Variants in AKAP12 observed in about 807,000 individuals in gnomAD.
AKAP12 encodes the protein A-kinase anchor protein 12.
A neutral mutation model predicts 79.9 loss-of-function variants in AKAP12; 32 were observed. That is an observed-to-expected ratio of 0.40 (90% CI 0.30 to 0.54). The LOEUF is 0.54. Ranked by LOEUF, AKAP12 falls within the 20% of genes least tolerant of loss-of-function variation. The probability of loss-of-function intolerance (pLI) is 0.48; values close to 1 mark genes in which losing one functional copy is unlikely to be tolerated. For missense variants in AKAP12, 2,074 were observed against 2,177.0 expected (o/e 0.95, Z 0.94); for synonymous variants, 808 against 857.0 (o/e 0.94, Z 1.00).
In AKAP12 at chr6:151,295,441, G is replaced by A. The variant is rs530628058; in HGVS notation, c.163-10306G>A. On this transcript the variant is annotated intron_variant, in intron 2 of 4. Transcript: ENST00000402676. Reference sequence around the variant, plus strand: ...AATGATGAGAAACAGAAAAATCTGGGATTTGTAGACAGTGGCGAGAAACTC... The same window carrying A: ...AATGATGAGAAACAGAAAAATCTGGAATTTGTAGACAGTGGCGAGAAACTC... 1.6e-4 allele frequency among the ~76,000 whole-genome samples: 25 copies of A among 152,204 alleles called. No homozygotes were observed. The South Asian group carries it at 5.0e-3, about 30-fold the overall frequency.
chr6:151,259,842 G>A (rs1039732313), intron 2 of AKAP12, among the ~76,000 whole-genome samples: 8 of 151,390 alleles, frequency 5.3e-5, no homozygotes, highest in South Asian at 2.1e-4. Context: ...CTCCCAAAGC[G>A]CCGGGATTAC....
chr6:151,311,751 T>C (rs117190833), intron 3 of AKAP12, among the ~76,000 whole-genome samples: 170 of 152,328 alleles, frequency 1.1e-3, no homozygotes, highest in Non-Finnish European at 1.5e-3. Flanking sequence ...CAGCTCCTGG[T>C]GTACAGTTCC....
chr6:151,297,661 A>C (rs1446626368), intron 2 of AKAP12, among the ~76,000 whole-genome samples: 2 of 151,604 alleles, frequency 1.3e-5, no homozygotes, highest in African/African-American at 4.9e-5. Flanking sequence ...TGTTACGTGT[A>C]GCCGTACCCA....
chr6:151,312,718 G>C (rs1017743329), intron 3 of AKAP12, among the ~76,000 whole-genome samples: 1 of 150,476 alleles, frequency 6.6e-6, no homozygotes, highest in Admixed American at 6.7e-5. Context: ...CTTGAATCCG[G>C]GAGCTGGAGG....
At chr6:151,255,119 C>A (rs1335625616) in intron 2 of AKAP12, among the ~76,000 whole-genome samples, 1 of 151,912 alleles carries the variant, frequency 6.6e-6, no homozygotes, top group African/African-American at 2.4e-5. Context: ...AATGAAGTTA[C>A]AGTTATAGGC....
Position 151,285,384 on chromosome 6 carries a change from C to CTGTGTGTGTGTGTGTGTG in AKAP12, c.163-20345_163-20328dup, listed in dbSNP as rs10680283. Among the ~76,000 whole-genome samples the CTGTGTGTGTGTGTGTGTG allele has an allele frequency of 2.2e-3, 294 of 136,540 alleles. 2 individuals are homozygous for CTGTGTGTGTGTGTGTGTG. Among genetic ancestry groups the CTGTGTGTGTGTGTGTGTG allele is most frequent in the South Asian group, 3.8e-3 (14 of 3,696 alleles). 89.6% of individuals were successfully genotyped at this position (136,540 alleles called of 152,430 possible). A position where few individuals can be genotyped will look rare whatever the true frequency, so the allele number is the denominator to read the frequency against. ...GTACACATCAGAGAGCTGCATTTCA[C>CTGTGTGTGTGTGTGTGTG]TGTGTGTGTGTGTGTGTGTGTGTGT... On this transcript the variant is annotated intron_variant, in intron 2 of 4. Transcript: ENST00000402676.
chr6:151,259,637 G>A lies in AKAP12; in HGVS notation c.162+18913G>A, dbSNP rs117592456. 2.8e-3 allele frequency among the ~76,000 whole-genome samples: 400 copies of A among 144,628 alleles called. 2 individuals are homozygous for A. The highest frequency in any genetic ancestry group is 4.7e-3 in the Non-Finnish European group (316 of 66,850). The allele number at this position is 144,628 out of a possible 152,430, so 94.9% of individuals were successfully genotyped here. On this transcript the variant is annotated intron_variant, in intron 2 of 4. Transcript: ENST00000402676. ...TCTGTTGCCCAGGCTGGAGTGCAGT[G>A]GCACTGTCAAGACTCATTGCAACCT...
At position 151,349,463 on chromosome 6, in the gene AKAP12, C is replaced by T. The variant is rs376048143; in HGVS notation, c.1072C>T (p.Pro358Ser). The change falls in exon 4 of 5, where the codon CCA becomes TCA. Residue 358 changes from proline to serine, a missense_variant. By Grantham distance (74) the Pro-to-Ser change is moderately conservative. Transcript: ENST00000402676. Reference sequence around the variant, plus strand: ...ACTGACCGCCTCCGAGCAAGCCCACCCACAGGAGCCGGCAGAAAGTGCCCA... The same window carrying T: ...ACTGACCGCCTCCGAGCAAGCCCACTCACAGGAGCCGGCAGAAAGTGCCCA... ...EKLTASEQAH[P>S]QEPAESAHEP... 13 of 1,606,488 alleles carry T rather than the reference C, an allele frequency of 8.1e-6. No individual in the cohort carries two copies. Among genetic ancestry groups the T allele is most frequent in the African/African-American group, 1.4e-5 (1 of 73,914 alleles).
At chr6:151,337,562 G>A (rs1369259723) in intron 3 of AKAP12, among the ~76,000 whole-genome samples, 1 of 148,004 alleles carries the variant, frequency 6.8e-6, no homozygotes, top group East Asian at 2.0e-4. Context: ...CATACAGAAA[G>A]TTGGAAAACT....
At chr6:151,270,680 TG>T (rs1185061617) in intron 2 of AKAP12, among the ~76,000 whole-genome samples, 1 of 152,196 alleles carries the variant, frequency 6.6e-6, no homozygotes, top group Admixed American at 6.5e-5. Context: ...TCTATATCCT[TG>T]GTAACACTTG....
rs919073303 is a variant in AKAP12, at chr6:151,355,721, C to T, written c.*13-6C>T. On this transcript the variant is annotated splice_polypyrimidine_tract_variant and splice_region_variant and intron_variant, in intron 4 of 4. Transcript: ENST00000402676. Reference sequence around the variant, plus strand: ...TTATTTACGCTGATTCTTCCTCCTCCTACAGTTAAACTCATTGTCTGTTTG... The same window carrying T: ...TTATTTACGCTGATTCTTCCTCCTCTTACAGTTAAACTCATTGTCTGTTTG... 3.3e-5 allele frequency: 5 copies of T among 152,544 alleles called. No homozygotes were observed. Among genetic ancestry groups the T allele is most frequent in the African/African-American group, 1.2e-4 (5 of 41,414 alleles). 9.4% of individuals were successfully genotyped at this position (152,544 alleles called of 1,614,324 possible).
At position 151,351,363 on chromosome 6, in the gene AKAP12, C is replaced by T. The variant is rs1457840030; in HGVS notation, c.2972C>T (p.Thr991Ile). The T allele has an allele frequency of 1.2e-6, 2 of 1,614,202 alleles. No individual in the cohort carries two copies. The highest frequency in any genetic ancestry group is 1.7e-6 in the Non-Finnish European group (2 of 1,180,036). ...TAGPLGAEEGTEASAAEETTE... is the reference protein window; with the variant it reads ...TAGPLGAEEGIEASAAEETTE... ...GGGCCATTGGGTGCCGAAGAAGGAA[C>T]CGAAGCATCTGCTGCTGAAGAGACC... Residue 991 changes from threonine (T) to isoleucine (I), a missense_variant, in exon 4 of 5, where the codon ACC (threonine) becomes ATC (isoleucine). Physicochemically the swap from Thr to Ile is moderately conservative, Grantham distance 89. Transcript: ENST00000402676. This position sits in a 1 kb window ranked among gnomAD's most constrained non-coding sequence, Gnocchi z 4.4.
At chr6:151,277,351 G>A (rs760774687) in intron 2 of AKAP12, among the ~76,000 whole-genome samples, 48 of 152,246 alleles carry the variant, frequency 3.2e-4, no homozygotes, top group Non-Finnish European at 6.0e-4. Flanking sequence ...AGGAGTACTC[G>A]TATGATAACC....
intron 2 of AKAP12, among the ~76,000 whole-genome samples, chr6:151,241,826 C>CAAAAAAAAAA (rs59482970): frequency 8.1e-6 from 1 of 123,896 alleles, no homozygotes. Flanking sequence ...TTACAATATG[C>CAAAAAAAAAA]AAAAAAAAAA....
intron 3 of AKAP12, among the ~76,000 whole-genome samples, chr6:151,315,822 C>CG (rs2114770968): frequency 6.6e-6 from 1 of 151,496 alleles, no homozygotes; most frequent in Admixed American, 6.6e-5. Flanking sequence ...ACAATAATGG[C>CG]GGAAGGGGAA....
chr6:151,262,652 A>G lies in AKAP12; in HGVS notation c.162+21928A>G, dbSNP rs202150803. Among the ~76,000 whole-genome samples the G allele has an allele frequency of 1.6e-4, 25 of 152,234 alleles. No homozygotes were observed. In the East Asian group the frequency reaches 3.1e-3, roughly 19 times the overall value. ...AAACACTTCATTTGTTGGCATTTTC[A>G]TTTTTAGCAAGTGAATATCTGGCAT... On this transcript the variant is annotated intron_variant, in intron 2 of 4. Coordinates refer to ENST00000402676, the MANE Select transcript of AKAP12 (RefSeq NM_005100.4).
intron 3 of AKAP12, among the ~76,000 whole-genome samples, chr6:151,328,152 C>G (rs1777575153): frequency 6.7e-6 from 1 of 150,258 alleles, no homozygotes; most frequent in East Asian, 2.0e-4. Flanking sequence ...ACGGTGAAAC[C>G]CCGTCTCTAG....
intron 3 of AKAP12, among the ~76,000 whole-genome samples, chr6:151,310,666 G>A (rs1239071574): frequency 2.0e-5 from 3 of 152,096 alleles, no homozygotes; most frequent in African/African-American, 4.8e-5. Flanking sequence ...CCGAACAGTT[G>A]AGGAAAATCA....
At chr6:151,258,937 T>A (rs556447611) in intron 2 of AKAP12, among the ~76,000 whole-genome samples, 1 of 151,848 alleles carries the variant, frequency 6.6e-6, no homozygotes, top group Non-Finnish European at 1.5e-5. Flanking sequence ...TGTGTGTGTG[T>A]GTGTGTGTGT....
Sources: gnomAD v4.1 joint callset for allele counts (sites outside exome capture counted in the v4.1 genomes callset) on GRCh38, gnomAD v4.1.1 for gene constraint, Gnocchi (gnomAD v3.1) non-coding constraint, MANE v1.5 for transcripts, NCBI Gene and HGNC (gene_info 2026-07-23, HGNC 2026-07-21) for gene names.